PINX1: variants seen among roughly 807,000 people sequenced by gnomAD.
The protein encoded by PINX1 is PIN2 (TERF1) interacting telomerase inhibitor 1.
Under a neutral mutation model 25.4 loss-of-function variants are expected in PINX1, and 34 were observed. The ratio of observed to expected loss-of-function variants is 1.34; its 90% CI spans 1.02 to 1.78. The LOEUF is 1.78. PINX1 is among the 40% of genes most tolerant of loss of function. The pLI is 0.00. For synonymous variants in PINX1, 197 were observed against 147.7 expected, an observed-to-expected ratio of 1.33 and a Z score of -2.42; for missense variants, 592 against 404.9, an observed-to-expected ratio of 1.46 and a Z score of -3.97.
intron 6 of PINX1, among the ~76,000 whole-genome samples, chr8:10,774,707 G>C (rs1277021738): frequency 6.6e-6 from 1 of 152,068 alleles, no homozygotes; most frequent in Non-Finnish European, 1.5e-5. Flanking sequence ...GAATATAGTT[G>C]ACTAACAAAA....
At chr8:10,793,480 C>T (rs1237262686) in intron 6 of PINX1, among the ~76,000 whole-genome samples, 2 of 152,248 alleles carry the variant, frequency 1.3e-5, no homozygotes, top group African/African-American at 2.4e-5. Flanking sequence ...AAATATCTCA[C>T]AACATTTAAA....
intron 5 of PINX1, among the ~76,000 whole-genome samples, chr8:10,821,329 A>G (rs908385935): frequency 2.0e-5 from 3 of 152,232 alleles, no homozygotes; most frequent in Non-Finnish European, 2.9e-5. Context: ...AAATTAAAAA[A>G]ACAAAACACT....
Position 10,812,688 on chromosome 8 carries a change from T to C in PINX1, c.471+7505A>G, listed in dbSNP as rs187591406. ...GTCCCTGAAGGCAATTCCCTGAACG[T>C]ACTCCTTGAAAACATGACACCCATG... On this transcript the variant is annotated intron_variant, in intron 6 of 6. Coordinates refer to ENST00000314787, the MANE Select transcript of PINX1 (RefSeq NM_017884.6). Among the ~76,000 whole-genome samples the C allele has an allele frequency of 2.0e-5, 3 of 152,336 alleles. No individual in the cohort carries two copies. The East Asian group carries it at 5.8e-4, about 29-fold the overall frequency.
At chr8:10,825,924 A>G (rs1044400138) in intron 5 of PINX1, among the ~76,000 whole-genome samples, 3 of 152,246 alleles carry the variant, frequency 2.0e-5, no homozygotes, top group African/African-American at 7.2e-5. Flanking sequence ...ACTTGTTTAC[A>G]GTCTAAAACC....
intron 6 of PINX1, among the ~76,000 whole-genome samples, chr8:10,799,450 G>A (rs538596725): frequency 1.3e-5 from 2 of 152,136 alleles, no homozygotes; most frequent in Non-Finnish European, 2.9e-5. Flanking sequence ...CTTCTGCCTG[G>A]CTCTGCCATT....
intron 6 of PINX1, chr8:10,787,846 A>C (rs565160448): frequency 1.3e-5 from 6 of 456,236 alleles, no homozygotes; most frequent in South Asian, 9.3e-5. Context: ...AAAAGAGAGA[A>C]GGAATGAGAA....
intron 6 of PINX1, chr8:10,787,751 G>A: frequency 6.6e-6 from 3 of 454,132 alleles, no homozygotes; most frequent in Middle Eastern, 3.3e-4. Flanking sequence ...AGCCCACTGG[G>A]AAGGTGAAAT....
chr8:10,793,560 G>A (rs1242625417), intron 6 of PINX1, among the ~76,000 whole-genome samples: 1 of 152,206 alleles, frequency 6.6e-6, no homozygotes, highest in Non-Finnish European at 1.5e-5. Flanking sequence ...CCCGCCATGG[G>A]CTGGACAAGC....
Position 10,787,605 on chromosome 8 carries a change from G to C in PINX1, c.472-21689C>G, listed in dbSNP as rs148372044. On this transcript the variant is annotated intron_variant, in intron 6 of 6. Coordinates refer to ENST00000314787, the MANE Select transcript of PINX1 (RefSeq NM_017884.6). Reference sequence around the variant, plus strand: ...TTTCAGATTACACTGTAAGCTATGTGATGGCAAGAACCATTTACCTTTTGG... The same window carrying C: ...TTTCAGATTACACTGTAAGCTATGTCATGGCAAGAACCATTTACCTTTTGG... 204 of 308,414 alleles carry C rather than the reference G, an allele frequency of 6.6e-4. 1 individual carries two copies. Among genetic ancestry groups the C allele is most frequent in the Non-Finnish European group, 9.9e-4 (156 of 157,062 alleles). 19.1% of individuals were successfully genotyped at this position (308,414 alleles called of 1,614,324 possible). A position where few individuals can be genotyped will look rare whatever the true frequency, so the allele number is the denominator to read the frequency against.
intron 1 of PINX1, among the ~76,000 whole-genome samples, chr8:10,836,700 G>A (rs1404898571): frequency 1.3e-5 from 2 of 150,234 alleles, no homozygotes; most frequent in Non-Finnish European, 3.0e-5. Flanking sequence ...GGGGCGGGGG[G>A]TGGCAGTTTC....
intron 6 of PINX1, among the ~76,000 whole-genome samples, chr8:10,782,996 A>G (rs1801636494): frequency 6.6e-6 from 1 of 152,228 alleles, no homozygotes; most frequent in Non-Finnish European, 1.5e-5. Context: ...AAGGGGAAAC[A>G]CACATTCCAA....
intron 3 of PINX1, among the ~76,000 whole-genome samples, chr8:10,832,582 A>G (rs1263606240): frequency 6.6e-6 from 1 of 152,260 alleles, no homozygotes; most frequent in Non-Finnish European, 1.5e-5. Flanking sequence ...TAACCAAAGT[A>G]ATTCAATTTA....
chr8:10,781,848 G>A (rs943912228), intron 6 of PINX1, among the ~76,000 whole-genome samples: 7 of 152,112 alleles, frequency 4.6e-5, no homozygotes, highest in African/African-American at 1.7e-4. Flanking sequence ...TATACCCAAA[G>A]CAAATCAAAT....
intron 6 of PINX1, among the ~76,000 whole-genome samples, chr8:10,803,545 G>C (rs889624536): frequency 4.6e-5 from 7 of 151,908 alleles, no homozygotes; most frequent in African/African-American, 1.7e-4. Flanking sequence ...CAATTGTTTC[G>C]AGCTCTGTCC....
At chr8:10,781,099 G>T (rs541984647) in intron 6 of PINX1, among the ~76,000 whole-genome samples, 2 of 152,126 alleles carry the variant, frequency 1.3e-5, no homozygotes, top group Admixed American at 6.5e-5. Context: ...GACACAATGG[G>T]GAAAGGATAG....
intron 6 of PINX1, among the ~76,000 whole-genome samples, chr8:10,776,805 C>G (rs141011089): frequency 1.3e-5 from 2 of 152,260 alleles, no homozygotes; most frequent in African/African-American, 4.8e-5. Flanking sequence ...CGGCTGGAGA[C>G]GCTGGAGACG....
intron 6 of PINX1, among the ~76,000 whole-genome samples, chr8:10,801,814 G>C (rs1462207012): frequency 2.0e-5 from 3 of 152,170 alleles, no homozygotes; most frequent in Admixed American, 6.5e-5. Context: ...CAAGAATCCA[G>C]ACTGCCAGGA....
At chr8:10,780,678 C>G (rs1191196055) in intron 6 of PINX1, among the ~76,000 whole-genome samples, 2 of 149,772 alleles carry the variant, frequency 1.3e-5, no homozygotes, top group East Asian at 3.9e-4. Context: ...GACCTGTACA[C>G]TGAAAACTAT....
At chr8:10,797,616 T>C (rs1404529512) in intron 6 of PINX1, among the ~76,000 whole-genome samples, 1 of 152,192 alleles carries the variant, frequency 6.6e-6, no homozygotes, top group Non-Finnish European at 1.5e-5. Flanking sequence ...CTGAATCAGA[T>C]TCAGAAGAAA....
Sources: allele counts gnomAD v4.1 joint callset (sites outside exome capture counted in the v4.1 genomes callset), GRCh38; gene constraint gnomAD v4.1.1; transcripts MANE v1.5; gene names NCBI Gene and HGNC (gene_info 2026-07-23, HGNC 2026-07-21).